The following LARP1 variants were observed in gnomAD, a reference collection of about 807,000 sequenced individuals.
LARP1 encodes la-related protein 1.
In LARP1, 36 loss-of-function variants were observed where a neutral mutation model predicts 122.7. The observed-to-expected ratio is 0.29, with a 90% CI of 0.22 to 0.39. The LOEUF is 0.39. LARP1 is among the 10% of genes least tolerant of loss of function. The pLI, the probability that LARP1 is intolerant of heterozygous loss-of-function variation, is 1.00. For missense variants in LARP1, 1,040 were observed against 1,403.6 expected (o/e 0.74, Z 4.14); for synonymous variants, 539 against 528.7 (o/e 1.02, Z -0.27).
At chr5:154,813,778 T>A in intron 18 of LARP1, 109 bp from the exon 19 acceptor site, 2 of 890,760 alleles carry the variant, frequency 2.2e-6, no homozygotes, top group Non-Finnish European at 3.6e-6. Context: ...TTAAACCCAT[T>A]CATTTTCTAT....
rs117347586 is a variant in LARP1 at position 154,696,918 on chromosome 5, G to T, written c.-180+13881G>T. Among the ~76,000 whole-genome samples, 211 of 152,324 alleles carry T rather than the reference G, an allele frequency of 1.4e-3. 2 individuals carry two copies. The East Asian group carries it at 0.033, about 24-fold the overall frequency. ...AATGCACAATTTTCATGTGAGAGGGGTGTAGAGGAAATCGTCCTTCATTCC... is the reference window on the plus strand; with the variant it reads ...AATGCACAATTTTCATGTGAGAGGGTTGTAGAGGAAATCGTCCTTCATTCC... On this transcript the variant is annotated intron_variant, in intron 1 of 18. Coordinates refer to the LARP1 transcript ENST00000687700.
upstream of LARP1, among the ~76,000 whole-genome samples, chr5:154,712,265 A>G (rs1336140391): frequency 5.3e-5 from 8 of 152,218 alleles, no homozygotes; most frequent in Non-Finnish European, 1.5e-5. Context: ...GATCACTAGC[A>G]TGACTATACC....
At chr5:154,797,680 C>CTTTTTTTTTTT in intron 8 of LARP1, among the ~76,000 whole-genome samples, 1 of 138,134 alleles carries the variant, frequency 7.2e-6, no homozygotes, top group African/African-American at 2.6e-5. Context: ...TGTCTACCGT[C>CTTTTTTTTTTT]TTTTTTTTTT....
intron 1 of LARP1, among the ~76,000 whole-genome samples, chr5:154,694,772 TGAGATGGAGAAAACAGTA>T (rs1754388944): frequency 6.6e-6 from 1 of 152,194 alleles, no homozygotes; most frequent in East Asian, 1.9e-4. Context: ...TTATATATAG[TGAGATGGAGAAAACAGTA>T]AAATGTTGAC....
intron 8 of LARP1, 96 bp from the exon 9 acceptor site, chr5:154,799,495 A>C: frequency 7.6e-7 from 1 of 1,314,478 alleles, no homozygotes; most frequent in East Asian, 2.3e-5. Flanking sequence ...CATTGGACTC[A>C]TACCAAGCTC....
chr5:154,810,778 C>T (rs376555928), intron 16 of LARP1, among the ~76,000 whole-genome samples: 6 of 152,142 alleles, frequency 3.9e-5, no homozygotes, highest in Non-Finnish European at 7.4e-5. Flanking sequence ...TGAGCCACAG[C>T]GCCTGGCCGC....
At position 154,804,323 on chromosome 5, in the gene LARP1, G is replaced by A; in HGVS notation, c.2546+16G>A. ...CTTCCATCAGGTACCTGGGGCAGTGGGGGAAGAGTGATCAGGCTGCCTATG... is the reference window on the plus strand; with the variant it reads ...CTTCCATCAGGTACCTGGGGCAGTGAGGGAAGAGTGATCAGGCTGCCTATG... On this transcript the variant is annotated intron_variant, in intron 14 of 18. Coordinates refer to ENST00000518297, the MANE Select transcript of LARP1 (RefSeq NM_033551.3). 1.9e-6 allele frequency: 3 copies of A among 1,586,150 alleles called. No homozygotes were observed. The highest frequency in any genetic ancestry group is 1.7e-4 in the Middle Eastern group (1 of 5,984).
chr5:154,772,466 G>A (rs367867846), intron 1 of LARP1, among the ~76,000 whole-genome samples: 3 of 152,054 alleles, frequency 2.0e-5, no homozygotes, highest in East Asian at 1.9e-4. Flanking sequence ...TAGCCTTCCC[G>A]TTGTCTATGG....
At position 154,814,119 on chromosome 5, in the gene LARP1, T is replaced by G. The variant is rs548301464; in HGVS notation, c.*23T>G. The G allele has an allele frequency of 1.2e-6, 2 of 1,611,906 alleles. No individual in the cohort carries two copies. The highest frequency in any genetic ancestry group is 2.7e-5 in the African/African-American group (2 of 74,826). On this transcript the variant is annotated 3_prime_UTR_variant, in exon 19 of 19. Transcript: ENST00000518297. ...TGAAAAGCTCCTTAGCCCTGGGGCT[T>G]GAGGGGGGAAAGGGGTAGGGTGGGT...
At chr5:154,809,806 C>T (rs1422024975) in intron 16 of LARP1, among the ~76,000 whole-genome samples, 1 of 150,992 alleles carries the variant, frequency 6.6e-6, no homozygotes, top group Non-Finnish European at 1.5e-5. Context: ...CCCGGGTTCA[C>T]GCCATTCTCC....
intron 1 of LARP1, among the ~76,000 whole-genome samples, chr5:154,693,881 G>T (rs892605441): frequency 3.4e-5 from 5 of 147,832 alleles, no homozygotes; most frequent in Non-Finnish European, 7.4e-5. Context: ...AAGAAAGAAA[G>T]TTCTTTTCTC....
At chr5:154,772,628 TATAAC>T (rs1755532417) in intron 1 of LARP1, among the ~76,000 whole-genome samples, 1 of 152,238 alleles carries the variant, frequency 6.6e-6, no homozygotes, top group African/African-American at 2.4e-5. Flanking sequence ...ATACAACAAT[TATAAC>T]AATATATTGT....
chr5:154,688,431 C>T (rs1282753243), intron 1 of LARP1, among the ~76,000 whole-genome samples: 6 of 151,982 alleles, frequency 3.9e-5, no homozygotes, highest in East Asian at 1.9e-4. Context: ...GGGCAGATCA[C>T]GTGAGGCCAA....
chr5:154,748,236 T>C (rs987915073), intron 1 of LARP1, among the ~76,000 whole-genome samples: 6 of 152,234 alleles, frequency 3.9e-5, no homozygotes, highest in African/African-American at 1.4e-4. Flanking sequence ...ACTTGGCCTT[T>C]GACAGTGTTG....
At chr5:154,701,302 T>C (rs1224084729) in intron 1 of LARP1, among the ~76,000 whole-genome samples, 1 of 152,180 alleles carries the variant, frequency 6.6e-6, no homozygotes, top group Non-Finnish European at 1.5e-5. Context: ...TCTGACAGAA[T>C]TGATGTTTAC....
intron 1 of LARP1, chr5:154,729,585 G>T: frequency 2.3e-6 from 1 of 432,626 alleles, no homozygotes; most frequent in Non-Finnish European, 4.5e-6. Flanking sequence ...AAAGAGAAAG[G>T]TACCTGGGTT....
At chr5:154,728,924 A>G (rs1032354760) in intron 1 of LARP1, among the ~76,000 whole-genome samples, 1 of 152,132 alleles carries the variant, frequency 6.6e-6, no homozygotes, top group Non-Finnish European at 1.5e-5. Context: ...AAATCATCCT[A>G]TGAAACTTAC....
In LARP1 at chr5:154,755,786, C is replaced by T. The variant is rs752710340; in HGVS notation, c.29C>T (p.Pro10Leu). Residue 10 changes from proline to leucine, a missense_variant, in exon 1 of 19, where the codon CCT becomes CTT. Physicochemically the swap from Pro to Leu is moderately conservative, Grantham distance 98 (BLOSUM62 -3). Transcript: ENST00000518297. MATQVEPLL[P>L]GGATLLQAEE... ...GCCACTCAGGTGGAGCCGCTGCTGC[C>T]TGGGGGCGCCACGCTCTTGCAGGCC... 2.8e-5 allele frequency: 28 copies of T among 989,264 alleles called. No individual in the cohort carries two copies. In the South Asian group the frequency reaches 3.1e-4, roughly 11 times the overall value. The allele number at this position is 989,264 out of a possible 1,614,324, so 61.3% of individuals were successfully genotyped here.
At chr5:154,804,484 C>CT (rs887120278) in intron 14 of LARP1, among the ~76,000 whole-genome samples, 177 bp downstream of exon 14, 1 of 152,052 alleles carries the variant, frequency 6.6e-6, no homozygotes, top group Non-Finnish European at 1.5e-5. Flanking sequence ...GACGGGTAGG[C>CT]TTTTTTCCTA....
Sources: gnomAD v4.1 joint callset for allele counts (sites outside exome capture counted in the v4.1 genomes callset) on GRCh38, gnomAD v4.1.1 for gene constraint, MANE v1.5 for transcripts, NCBI Gene and HGNC (gene_info 2026-07-23, HGNC 2026-07-21) for gene names.